Variants in GPCPD1 observed in about 807,000 individuals in gnomAD.
The protein encoded by GPCPD1 is glycerophosphocholine phosphodiesterase 1, also known as glycerophosphocholine phosphodiesterase GPCPD1.
GPCPD1 carries 29 observed loss-of-function variants against 89.2 expected under a neutral mutation model. The ratio of observed to expected loss-of-function variants is 0.33; its 90% CI spans 0.24 to 0.44. The LOEUF (loss-of-function observed/expected upper bound fraction) is 0.44, where lower values mean the gene tolerates loss of function less well. Ranked by LOEUF, GPCPD1 falls within the 20% of genes least tolerant of loss-of-function variation. The pLI is 1.00. For synonymous variants in GPCPD1, 258 were observed against 266.3 expected (o/e 0.97, Z 0.30); for missense variants, 594 against 808.9 (o/e 0.73, Z 3.22).
At chr20:5,549,258 G>T in intron 19 of GPCPD1, 2 of 815,780 alleles carry the variant, frequency 2.5e-6, no homozygotes, top group South Asian at 1.3e-5. Flanking sequence ...ATCTTTTGAT[G>T]ACTCAGTGAT....
At chr20:5,584,547 T>A (rs112741826) in intron 5 of GPCPD1, 2 of 289,102 alleles carry the variant, frequency 6.9e-6, no homozygotes, top group African/African-American at 4.4e-5. Flanking sequence ...TTGTCCATTA[T>A]GTTAAAAAGA....
intron 1 of GPCPD1, among the ~76,000 whole-genome samples, chr20:5,605,716 T>C (rs1318436099): frequency 1.3e-5 from 2 of 152,008 alleles, no homozygotes; most frequent in Non-Finnish European, 2.9e-5. Flanking sequence ...AGGTGGAGGT[T>C]GAGGTGAGCC....
chr20:5,599,435 C>A (rs537860163), intron 2 of GPCPD1, among the ~76,000 whole-genome samples: 1 of 152,092 alleles, frequency 6.6e-6, no homozygotes, highest in South Asian at 2.1e-4. Context: ...CCACTATACT[C>A]CAGCCTGGGC....
chr20:5,565,068 A>T lies in GPCPD1; in HGVS notation c.1278T>A (p.Val426=). 3.3e-6 allele frequency: 5 copies of T among 1,518,102 alleles called. No homozygotes were observed. Among genetic ancestry groups the T allele is most frequent in the Non-Finnish European group, 4.6e-6 (5 of 1,092,824 alleles). 94.0% of individuals were successfully genotyped at this position (1,518,102 alleles called of 1,614,324 possible). Residue 426 remains valine (V), a synonymous_variant, in exon 15 of 20, where the codon GTT becomes GTA. Coordinates refer to ENST00000379019, the MANE Select transcript of GPCPD1 (RefSeq NM_019593.5). ...TTTCTGAAAAGGAATTTTCCTCCTG[A>T]ACCACAGATTCTGAAATTTTAAAAC... is the stretch of plus-strand genomic sequence containing the variant. ...LKSKDRKESV[V]QEENSFSENQ... is the part of the protein sequence containing the mutation.
intron 3 of GPCPD1, among the ~76,000 whole-genome samples, chr20:5,597,355 T>C (rs910435757): frequency 2.0e-5 from 3 of 152,226 alleles, no homozygotes. Flanking sequence ...TGACCAGCAT[T>C]TTTTGTTTGC....
At chr20:5,586,093 T>C in intron 5 of GPCPD1, 101 bp downstream of exon 5, 1 of 592,252 alleles carries the variant, frequency 1.7e-6, no homozygotes, top group Admixed American at 2.6e-5. Flanking sequence ...TGCATTGACC[T>C]TAACTTTAGA....
At position 5,559,495 on chromosome 20, in the gene GPCPD1, G is replaced by A. The variant is rs140673748; in HGVS notation, c.1532+445C>T. On this transcript the variant is annotated intron_variant, in intron 17 of 19. Transcript: ENST00000379019. ...AGCTACTCAAGAGGCCAAGGCAGGA[G>A]GACTGCTTGTGCCCGAGAGGTCAGG... is the stretch of plus-strand genomic sequence containing the variant. Among the ~76,000 whole-genome samples, 355 of 152,324 alleles carry A rather than the reference G, an allele frequency of 2.3e-3. 1 individual carries two copies. Among genetic ancestry groups the A allele is most frequent in the Non-Finnish European group, 4.2e-3 (283 of 68,036 alleles).
intron 4 of GPCPD1, among the ~76,000 whole-genome samples, chr20:5,593,045 T>A (rs946159251): frequency 6.6e-6 from 1 of 152,194 alleles, no homozygotes; most frequent in Non-Finnish European, 1.5e-5. Flanking sequence ...CCTAACTAGT[T>A]TACAAAAGTT....
At chr20:5,578,162 T>C (rs1978303680) in intron 8 of GPCPD1, among the ~76,000 whole-genome samples, 1 of 152,248 alleles carries the variant, frequency 6.6e-6, no homozygotes, top group Non-Finnish European at 1.5e-5. Context: ...AGACATCTGG[T>C]CTTGATTGGA....
intron 5 of GPCPD1, chr20:5,585,423 A>G (rs1978843255): frequency 1.3e-5 from 2 of 152,140 alleles, no homozygotes; most frequent in African/African-American, 4.8e-5. Flanking sequence ...AACTTTACCT[A>G]GAAACTAAAA....
Position 5,565,032 on chromosome 20 carries a change from A to G in GPCPD1, c.1314T>C (p.Phe438=). The change falls in exon 15 of 20, where the codon TTT becomes TTC. Residue 438 remains phenylalanine (F), a synonymous_variant. Transcript: ENST00000379019. ...AATAACTTACCATCTTAAGAGAAGGAAATGGCTGATTTTCTGAAAAGGAAT... is the reference window on the plus strand; with the variant it reads ...AATAACTTACCATCTTAAGAGAAGGGAATGGCTGATTTTCTGAAAAGGAAT... ...EENSFSENQP[F]PSLKMVLESL... The G allele has an allele frequency of 1.3e-6, 2 of 1,522,276 alleles. No homozygotes were observed. Among genetic ancestry groups the G allele is most frequent in the Non-Finnish European group, 1.8e-6 (2 of 1,096,490 alleles). The allele number at this position is 1,522,276 out of a possible 1,614,324, so 94.3% of individuals were successfully genotyped here.
At chr20:5,598,507 AGAAAT>A (rs1313427094) in intron 3 of GPCPD1, among the ~76,000 whole-genome samples, 3 of 150,692 alleles carry the variant, frequency 2.0e-5, no homozygotes, top group Admixed American at 1.3e-4. Context: ...AAAAAAAAAA[AGAAAT>A]GAAAGTGGTT....
chr20:5,585,513 C>T (rs749030982), intron 5 of GPCPD1: 19 of 150,132 alleles, frequency 1.3e-4, no homozygotes, highest in African/African-American at 2.5e-4. Context: ...ACTTCAAATT[C>T]GATTTTCAAT....
At chr20:5,598,350 G>A (rs1328082219) in intron 3 of GPCPD1, among the ~76,000 whole-genome samples, 3 of 152,282 alleles carry the variant, frequency 2.0e-5, no homozygotes, top group East Asian at 1.9e-4. Context: ...AGGCTGCATT[G>A]AGCTAGGATC....
intron 19 of GPCPD1, among the ~76,000 whole-genome samples, chr20:5,552,472 A>G (rs1194430395): frequency 1.3e-5 from 2 of 152,218 alleles, no homozygotes; most frequent in East Asian, 1.9e-4. Context: ...AACCAAGTAA[A>G]GCCCTTGAGA....
At chr20:5,596,269 G>A (rs1051089042) in intron 3 of GPCPD1, among the ~76,000 whole-genome samples, 2 of 152,026 alleles carry the variant, frequency 1.3e-5, no homozygotes, top group Non-Finnish European at 2.9e-5. Context: ...GCATGATGGT[G>A]TACACCTAGC....
At chr20:5,576,058 CACAG>C in intron 8 of GPCPD1, 80 bp from the exon 9 acceptor site, 6 of 591,076 alleles carry the variant, frequency 1.0e-5, no homozygotes, top group East Asian at 2.9e-5. Flanking sequence ...CACACACACA[CACAG>C]ACACACACAC....
At chr20:5,561,583 TAAG>T in intron 15 of GPCPD1, 53 bp from the exon 16 acceptor site, 2 of 812,984 alleles carry the variant, frequency 2.5e-6, no homozygotes, top group Non-Finnish European at 4.1e-6. Flanking sequence ...GATAGCAGAA[TAAG>T]AAAACAAAAA....
chr20:5,576,419 C>CAAAAAA (rs11286776), intron 8 of GPCPD1, among the ~76,000 whole-genome samples: 1 of 90,790 alleles, frequency 1.1e-5, no homozygotes, highest in Admixed American at 1.2e-4. Flanking sequence ...CACTCCATCT[C>CAAAAAA]AAAAAAAAAA....
Sources: gnomAD v4.1 joint callset for allele counts (sites outside exome capture counted in the v4.1 genomes callset) on GRCh38, gnomAD v4.1.1 for gene constraint, MANE v1.5 for transcripts, NCBI Gene and HGNC (gene_info 2026-07-23, HGNC 2026-07-21) for gene names.